Variants in NRP2 observed in about 807,000 individuals in gnomAD.
NRP2 encodes neuropilin-2.
In NRP2, 52 loss-of-function variants were observed where a neutral mutation model predicts 110.4. That is an observed-to-expected ratio of 0.47 (90% confidence interval 0.38 to 0.59). The LOEUF (loss-of-function observed/expected upper bound fraction) is 0.59, where lower values mean the gene tolerates loss of function less well. Ranked by LOEUF, NRP2 falls within the 20% of genes least tolerant of loss-of-function variation. NRP2 has a pLI of 0.00. For missense variants in NRP2, 1,049 were observed against 1,203.0 expected (o/e 0.87, Z 1.89); for synonymous variants, 508 against 468.9 (o/e 1.08, Z -1.08).
intron 6 of NRP2, 60 bp downstream of exon 6, chr2:205,726,142 A>G: frequency 1.3e-6 from 2 of 1,545,700 alleles, no homozygotes; most frequent in Non-Finnish European, 1.8e-6. Context: ...GTAGGAGGGT[A>G]GCTCCTCAAA....
At position 205,723,723 on chromosome 2, in the gene NRP2, G is replaced by T; in HGVS notation, c.665-62G>T. ...AAATGCAATGAGGGGAAGGGAAAAC[G>T]GAGTGAAAACCAAGTTTGACATTTT... On this transcript the variant is annotated intron_variant, in intron 4 of 16. Coordinates refer to ENST00000357785, the MANE Select transcript of NRP2 (RefSeq NM_003872.3). The T allele has an allele frequency of 2.6e-6, 4 of 1,561,212 alleles. No individual in the cohort carries two copies. The South Asian group carries it at 4.5e-5, about 18-fold the overall frequency.
Position 205,683,257 on chromosome 2 carries a change from G to T in NRP2, c.-34G>T. On this transcript the variant is annotated 5_prime_UTR_variant, in exon 1 of 17. Coordinates refer to ENST00000357785, the MANE Select transcript of NRP2 (RefSeq NM_003872.3). Reference sequence around the variant, plus strand: ...ACAAAGATTTAAACAAGAAACCTACGAACCCAGCTCTGGAAAGAGCCACCT... The same window carrying T: ...ACAAAGATTTAAACAAGAAACCTACTAACCCAGCTCTGGAAAGAGCCACCT... 6.7e-7 allele frequency: 1 copy of T among 1,496,350 alleles called. No individual in the cohort carries two copies. The highest frequency in any genetic ancestry group is 1.1e-5 in the South Asian group (1 of 88,032). The allele number at this position is 1,496,350 out of a possible 1,614,324, so 92.7% of individuals were successfully genotyped here. A position where few individuals can be genotyped will look rare whatever the true frequency, so the allele number is the denominator to read the frequency against.
At chr2:205,691,338 A>G (rs2056311539) in intron 1 of NRP2, among the ~76,000 whole-genome samples, 1 of 152,148 alleles carries the variant, frequency 6.6e-6, no homozygotes, top group South Asian at 2.1e-4. Flanking sequence ...GCCTGGAGTG[A>G]GAGAGTAGGT....
rs73064199 is a variant in NRP2 at position 205,734,406 on chromosome 2, C to G, written c.1147-6113C>G. ...TTCATATCATTTCCCACCGCCCCCC[C>G]CCACCCCGCATCGCAACAGTTCCCT... On this transcript the variant is annotated intron_variant, in intron 7 of 16. Transcript: ENST00000357785. Among the ~76,000 whole-genome samples, 5 of 149,962 alleles carry G rather than the reference C, an allele frequency of 3.3e-5. No homozygotes were observed. The East Asian group carries it at 5.9e-4, about 18-fold the overall frequency.
intron 9 of NRP2, among the ~76,000 whole-genome samples, chr2:205,743,956 C>T (rs6711832): frequency 6.6e-6 from 1 of 152,174 alleles, no homozygotes; most frequent in Non-Finnish European, 1.5e-5. Flanking sequence ...ATTGGTCAGG[C>T]TGGTCTCGAA....
At chr2:205,784,268 C>T (rs892132647) in intron 15 of NRP2, among the ~76,000 whole-genome samples, 1 of 152,172 alleles carries the variant, frequency 6.6e-6, no homozygotes, top group African/African-American at 2.4e-5. Context: ...AAGCCTTGAG[C>T]TAGAGGCAGC....
intron 3 of NRP2, among the ~76,000 whole-genome samples, chr2:205,719,556 G>A (rs1021899655): frequency 6.6e-6 from 1 of 151,658 alleles, no homozygotes; most frequent in Non-Finnish European, 1.5e-5. Flanking sequence ...GTGTGTGTTT[G>A]GTTTTTTCCA....
chr2:205,699,970 ATTTCTCTCTC>A (rs1382000710), intron 2 of NRP2, among the ~76,000 whole-genome samples: 2 of 102,384 alleles, frequency 2.0e-5, no homozygotes, highest in African/African-American at 7.9e-5. Flanking sequence ...CCCACTCCCC[ATTTCTCTCTC>A]TTTCTCTCTC....
Position 205,725,942 on chromosome 2 carries a change from G to C in NRP2, c.850G>C (p.Glu284Gln), listed in dbSNP as rs377035589. The change falls in exon 6 of 17, where the codon GAG (glutamate) becomes CAG (glutamine). Residue 284 changes from glutamate (E) to glutamine (Q), a missense_variant. By Grantham distance (29) the Glu-to-Gln change is conservative. Coordinates refer to ENST00000357785, the MANE Select transcript of NRP2 (RefSeq NM_003872.3). The surrounding 1 kb of genome is among the most constrained non-coding windows in gnomAD (Gnocchi z 4.1). ...NFQCNVPLGMESGRIANEQIS... is the reference protein window; with the variant it reads ...NFQCNVPLGMQSGRIANEQIS... Reference sequence around the variant, plus strand: ...TCAGTGCAATGTTCCTCTGGGCATGGAGTCTGGCCGGATTGCTAATGAACA... The same window carrying C: ...TCAGTGCAATGTTCCTCTGGGCATGCAGTCTGGCCGGATTGCTAATGAACA... 6.2e-7 allele frequency: 1 copy of C among 1,614,144 alleles called. No individual in the cohort carries two copies. The highest frequency in any genetic ancestry group is 2.2e-5 in the East Asian group (1 of 44,880).
intron 8 of NRP2, 128 bp from the exon 9 acceptor site, chr2:205,743,075 T>G (rs1443274205): frequency 1.3e-6 from 2 of 1,566,168 alleles, no homozygotes; most frequent in Non-Finnish European, 1.7e-6. Context: ...ACATTCACCA[T>G]GCAAAGAAAT....
intron 1 of NRP2, among the ~76,000 whole-genome samples, chr2:205,691,056 C>A (rs2056305868): frequency 6.6e-6 from 1 of 152,140 alleles, no homozygotes. Flanking sequence ...TCTAGTGATA[C>A]CTTTGATGTT....
chr2:205,702,070 C>G lies in NRP2; in HGVS notation c.251+4349C>G, dbSNP rs113206688. On this transcript the variant is annotated intron_variant, in intron 2 of 16. Transcript: ENST00000357785. Reference sequence around the variant, plus strand: ...AGCTGTCATAATAATAAATATCTTGCAAGATTGCTCTGCCTTTTTATGTAG... The same window carrying G: ...AGCTGTCATAATAATAAATATCTTGGAAGATTGCTCTGCCTTTTTATGTAG... Among the ~76,000 whole-genome samples, 643 of 152,320 alleles carry G rather than the reference C, an allele frequency of 4.2e-3. 3 individuals are homozygous for G. Among genetic ancestry groups the G allele is most frequent in the African/African-American group, 0.015 (615 of 41,568 alleles).
At chr2:205,752,321 C>A in intron 11 of NRP2, 1 of 202,234 alleles carries the variant, frequency 4.9e-6, no homozygotes, top group East Asian at 1.3e-4. Flanking sequence ...GTGTAGCAAA[C>A]AAGCCTTCCT....
chr2:205,739,932 C>T, intron 7 of NRP2: 1 of 195,944 alleles, frequency 5.1e-6, no homozygotes, highest in South Asian at 9.5e-5. Flanking sequence ...GCAACCCTGA[C>T]CCTGCCACAA....
At chr2:205,706,414 T>C (rs2056679253) in intron 2 of NRP2, among the ~76,000 whole-genome samples, 2 of 152,068 alleles carry the variant, frequency 1.3e-5, no homozygotes, top group South Asian at 2.1e-4. Context: ...TTGAAAGAGA[T>C]GGTTGAGAGC....
chr2:205,762,869 A>G (rs2057846898), intron 12 of NRP2, among the ~76,000 whole-genome samples: 1 of 152,214 alleles, frequency 6.6e-6, no homozygotes, highest in South Asian at 2.1e-4. Context: ...TAATCAGCCA[A>G]AAAGGCCATT....
intron 12 of NRP2, among the ~76,000 whole-genome samples, chr2:205,756,012 T>C (rs1242023047): frequency 6.6e-6 from 1 of 151,682 alleles, no homozygotes; most frequent in Non-Finnish European, 1.5e-5. Flanking sequence ...ATTTTCTTTC[T>C]TTTTTTTTCC....
intron 15 of NRP2, 170 bp downstream of exon 15, chr2:205,766,973 C>T (rs1275096978): frequency 1.7e-5 from 11 of 652,992 alleles, no homozygotes; most frequent in South Asian, 3.5e-5. Flanking sequence ...CCTGTAGATG[C>T]GGGAAGGGGA....
intron 7 of NRP2, among the ~76,000 whole-genome samples, chr2:205,735,507 A>T (rs1336998541): frequency 6.7e-6 from 1 of 148,380 alleles, no homozygotes; most frequent in Non-Finnish European, 1.5e-5. Context: ...TATATTCTAT[A>T]TAATATATAG....
Sources: allele counts gnomAD v4.1 joint callset (sites outside exome capture counted in the v4.1 genomes callset), GRCh38; gene constraint gnomAD v4.1.1; non-coding constraint Gnocchi (gnomAD v3.1); transcripts MANE v1.5; gene names NCBI Gene and HGNC (gene_info 2026-07-23, HGNC 2026-07-21).